The following DUSP16 variants were observed in gnomAD, a reference collection of about 807,000 sequenced individuals.
DUSP16 encodes the protein dual specificity phosphatase 16.
DUSP16 carries 21 observed loss-of-function variants against 58.3 expected under a neutral mutation model. That is an observed-to-expected ratio of 0.36 (90% CI 0.26 to 0.52). The LOEUF (loss-of-function observed/expected upper bound fraction) is 0.52. Among genes scored for constraint, DUSP16 ranks in the 20% least tolerant of loss-of-function variants. The pLI is 0.94. For synonymous variants in DUSP16, 320 were observed against 323.8 expected (o/e 0.99, Z 0.12); for missense variants, 726 against 819.0 (o/e 0.89, Z 1.39).
intron 4 of DUSP16, among the ~76,000 whole-genome samples, chr12:12,500,112 A>G (rs1592176944): frequency 6.6e-6 from 1 of 152,236 alleles, no homozygotes; most frequent in South Asian, 2.1e-4. Flanking sequence ...ACCTTCCTCA[A>G]TCCAAGCCCA....
At chr12:12,547,140 C>T (rs1944651297) in intron 1 of DUSP16, among the ~76,000 whole-genome samples, 1 of 152,114 alleles carries the variant, frequency 6.6e-6, no homozygotes, top group Non-Finnish European at 1.5e-5. Flanking sequence ...GTATTTAAAA[C>T]AATAACAGGC....
chr12:12,489,401 G>C (rs10845558), intron 4 of DUSP16, among the ~76,000 whole-genome samples: 10,979 of 152,216 alleles, frequency 0.072, 857 homozygotes, highest in East Asian at 0.39. Context: ...CAACAACAGG[G>C]TGCAGAAACT....
chr12:12,526,594 G>C lies in DUSP16; in HGVS notation c.-365-5131C>G, dbSNP rs529721798. Among the ~76,000 whole-genome samples, 8 of 152,208 alleles carry C rather than the reference G, an allele frequency of 5.3e-5. No individual in the cohort carries two copies. The South Asian group carries it at 1.7e-3, about 32-fold the overall frequency. The stretch of plus-strand genomic sequence containing the variant: ...TAATTACTTAAAAGGAAAATGTTTT[G>C]TTTCGATTTTTATTACTTGTACACT... On this transcript the variant is annotated intron_variant, in intron 1 of 6. Coordinates refer to ENST00000298573, the MANE Select transcript of DUSP16 (RefSeq NM_030640.3).
intron 1 of DUSP16, among the ~76,000 whole-genome samples, chr12:12,531,587 C>T (rs904956611): frequency 6.6e-6 from 1 of 152,222 alleles, no homozygotes; most frequent in African/African-American, 2.4e-5. Context: ...AAAGTCTACA[C>T]AACAAGGAGG....
chr12:12,477,738 TGGGCAC>T lies in DUSP16; in HGVS notation c.1087_1092del (p.Val363_Pro364del), dbSNP rs766259105. ...TCCTCTAACAGCGACGGCTGCACGC[TGGGCAC>T]GCTGGGCACGCTGGCGGGATGCACG... On this transcript the variant is annotated inframe_deletion, in exon 7 of 7. Transcript: ENST00000298573. The surrounding 1 kb of genome is among the most constrained non-coding windows in gnomAD (Gnocchi z 4.1). 4.1e-5 allele frequency: 59 copies of T among 1,429,800 alleles called. No individual in the cohort carries two copies. Among genetic ancestry groups the T allele is most frequent in the East Asian group, 1.5e-4 (3 of 20,176 alleles). 88.6% of individuals were successfully genotyped at this position (1,429,800 alleles called of 1,614,324 possible). A position where few individuals can be genotyped will look rare whatever the true frequency, so the allele number is the denominator to read the frequency against.
intron 3 of DUSP16, among the ~76,000 whole-genome samples, chr12:12,503,839 G>A (rs1235141730): frequency 2.0e-5 from 3 of 152,086 alleles, no homozygotes; most frequent in African/African-American, 7.2e-5. Context: ...ATCTGACCAT[G>A]GAATTCCCCC....
chr12:12,504,186 C>A (rs967322093), intron 3 of DUSP16, among the ~76,000 whole-genome samples: 21 of 152,208 alleles, frequency 1.4e-4, no homozygotes, highest in African/African-American at 4.8e-4. Flanking sequence ...AACCTAACAA[C>A]TGTCAGGCAC....
intron 1 of DUSP16, chr12:12,554,678 G>A (rs369975001): frequency 7.0e-6 from 1 of 142,336 alleles, no homozygotes; most frequent in Middle Eastern, 4.3e-3. Context: ...ACATCCATAT[G>A]TATTTTTAAC....
chr12:12,548,356 C>G (rs1225333903), intron 1 of DUSP16, among the ~76,000 whole-genome samples: 1 of 152,152 alleles, frequency 6.6e-6, no homozygotes, highest in African/African-American at 2.4e-5. Flanking sequence ...CAAGTGTTGG[C>G]TGGGCACAGT....
At chr12:12,482,731 T>C (rs1231717926) in intron 5 of DUSP16, among the ~76,000 whole-genome samples, 1 of 152,208 alleles carries the variant, frequency 6.6e-6, no homozygotes, top group East Asian at 1.9e-4. Flanking sequence ...ATTTGTTTTT[T>C]CAGACAGGGT....
At chr12:12,522,090 A>C (rs1230476142) in intron 1 of DUSP16, among the ~76,000 whole-genome samples, 5 of 152,186 alleles carry the variant, frequency 3.3e-5, no homozygotes, top group Non-Finnish European at 7.4e-5. Flanking sequence ...CTTTTAAGGA[A>C]GAGGAAGGAC....
chr12:12,483,102 C>G (rs1943605273), intron 5 of DUSP16, among the ~76,000 whole-genome samples: 1 of 152,110 alleles, frequency 6.6e-6, no homozygotes, highest in South Asian at 2.1e-4. Flanking sequence ...TGGAAACAAG[C>G]AGGTGGCCAT....
At chr12:12,532,031 G>A (rs571286679) in intron 1 of DUSP16, among the ~76,000 whole-genome samples, 13 of 152,156 alleles carry the variant, frequency 8.5e-5, no homozygotes, top group Admixed American at 3.9e-4. Context: ...GGTGGCGGGC[G>A]CCTGTGGTCC....
At chr12:12,505,866 C>T (rs956237722) in intron 3 of DUSP16, among the ~76,000 whole-genome samples, 4 of 152,212 alleles carry the variant, frequency 2.6e-5, no homozygotes, top group Non-Finnish European at 4.4e-5. Context: ...CAACTGATAT[C>T]TAGAACAAAC....
chr12:12,520,776 ATT>A (rs1225759850), intron 2 of DUSP16, 93 bp downstream of exon 2: 1 of 1,446,016 alleles, frequency 6.9e-7, no homozygotes, highest in African/African-American at 1.4e-5. Context: ...ACTTCCTCAA[ATT>A]ACTTTCTCTA....
At position 12,476,189 on chromosome 12, in the gene DUSP16, T is replaced by A. The variant is rs1001481556; in HGVS notation, c.*644A>T. On this transcript the variant is annotated 3_prime_UTR_variant, in exon 7 of 7. Coordinates refer to ENST00000298573, the MANE Select transcript of DUSP16 (RefSeq NM_030640.3). Reference sequence around the variant, plus strand: ...TATTCACAATGCCTAGAAAATGGGCTACCAGATATGGTAGTGGTCAAAGCC... The same window carrying A: ...TATTCACAATGCCTAGAAAATGGGCAACCAGATATGGTAGTGGTCAAAGCC... 2.6e-5 allele frequency: 4 copies of A among 152,826 alleles called. No homozygotes were observed. The South Asian group carries it at 8.3e-4, about 32-fold the overall frequency. 9.5% of individuals were successfully genotyped at this position (152,826 alleles called of 1,614,324 possible). A position where few individuals can be genotyped will look rare whatever the true frequency, so the allele number is the denominator to read the frequency against.
intron 1 of DUSP16, among the ~76,000 whole-genome samples, chr12:12,530,557 G>A (rs1361411827): frequency 6.6e-6 from 1 of 151,978 alleles, no homozygotes; most frequent in African/African-American, 2.4e-5. Flanking sequence ...ATGCTTTTGA[G>A]GCAGGCAATT....
At chr12:12,515,330 CT>C (rs34048427) in intron 3 of DUSP16, among the ~76,000 whole-genome samples, 70,900 of 138,526 alleles carry the variant, frequency 0.51, 17,572 homozygotes, top group East Asian at 0.7. Context: ...TATTAATATG[CT>C]TTTTTTTTTT....
chr12:12,518,331 T>C (rs1944183698), intron 3 of DUSP16, among the ~76,000 whole-genome samples: 3 of 152,008 alleles, frequency 2.0e-5, no homozygotes, highest in South Asian at 4.1e-4. Context: ...CTGGCCAACA[T>C]GGTGAAACCC....
Sources: allele counts gnomAD v4.1 joint callset (sites outside exome capture counted in the v4.1 genomes callset), GRCh38; gene constraint gnomAD v4.1.1; non-coding constraint Gnocchi (gnomAD v3.1); transcripts MANE v1.5; gene names NCBI Gene and HGNC (gene_info 2026-07-23, HGNC 2026-07-21).